The following NUDCD3 variants were observed in gnomAD, a reference collection of about 807,000 sequenced individuals.
NUDCD3 encodes the protein NudC domain containing 3.
A neutral mutation model predicts 39.7 loss-of-function variants in NUDCD3; 13 were observed. That is an observed-to-expected ratio of 0.33 (90% CI 0.21 to 0.52). The LOEUF (loss-of-function observed/expected upper bound fraction) is 0.52. NUDCD3 is among the 20% of genes least tolerant of loss of function. The probability of loss-of-function intolerance (pLI) is 0.96; values close to 1 mark genes in which losing one functional copy is unlikely to be tolerated. For synonymous variants in NUDCD3, 175 were observed against 172.4 expected (o/e 1.02, Z -0.12); for missense variants, 453 against 458.1 (o/e 0.99, Z 0.10).
chr7:44,455,555 G>T (rs988074666), intron 2 of NUDCD3, among the ~76,000 whole-genome samples: 2 of 152,156 alleles, frequency 1.3e-5, no homozygotes, highest in Non-Finnish European at 2.9e-5. Flanking sequence ...GAGAAATTGT[G>T]TGTGTACATA....
chr7:44,437,127 T>C (rs2116916684), intron 2 of NUDCD3, among the ~76,000 whole-genome samples: 1 of 147,108 alleles, frequency 6.8e-6, no homozygotes, highest in South Asian at 2.2e-4. Context: ...TGGAGTGCAA[T>C]GGTGCGATCT....
chr7:44,479,167 T>C (rs895485249), intron 2 of NUDCD3, among the ~76,000 whole-genome samples: 3 of 152,192 alleles, frequency 2.0e-5, no homozygotes, highest in Admixed American at 6.5e-5. Flanking sequence ...GTCCCTCCCA[T>C]GACATGTGAG....
chr7:44,437,184 C>T (rs1799484782), intron 2 of NUDCD3, among the ~76,000 whole-genome samples: 1 of 151,490 alleles, frequency 6.6e-6, no homozygotes, highest in South Asian at 2.1e-4. Flanking sequence ...ATTCTCCTGC[C>T]TCAGCCTCCC....
At chr7:44,406,411 C>T (rs1798822105) in intron 3 of NUDCD3, among the ~76,000 whole-genome samples, 1 of 152,204 alleles carries the variant, frequency 6.6e-6, no homozygotes, top group South Asian at 2.1e-4. Context: ...AACAGATCCA[C>T]TCACTCCTGA....
intron 2 of NUDCD3, among the ~76,000 whole-genome samples, chr7:44,437,096 G>A (rs1405674498): frequency 1.5e-5 from 2 of 132,664 alleles, no homozygotes; most frequent in African/African-American, 5.7e-5. Context: ...TTGAGACGGA[G>A]ACTTGCTCTG....
intron 5 of NUDCD3, among the ~76,000 whole-genome samples, chr7:44,390,555 T>C (rs1310984313): frequency 6.6e-6 from 1 of 152,128 alleles, no homozygotes; most frequent in Non-Finnish European, 1.5e-5. Flanking sequence ...AAAAAGACAC[T>C]TCTAAGGGGT....
chr7:44,404,384 A>G (rs1563166715), intron 4 of NUDCD3, 56 bp downstream of exon 4: 4 of 1,562,044 alleles, frequency 2.6e-6, no homozygotes, highest in Non-Finnish European at 3.5e-6. Flanking sequence ...CAAAAGGGGC[A>G]TCACTGCAGG....
chr7:44,476,203 C>T (rs1457761589), intron 2 of NUDCD3, among the ~76,000 whole-genome samples: 3 of 152,142 alleles, frequency 2.0e-5, no homozygotes, highest in Non-Finnish European at 4.4e-5. Context: ...AGCCTACACA[C>T]GGAAAGAAGT....
chr7:44,474,253 G>A (rs1800317919), intron 2 of NUDCD3, among the ~76,000 whole-genome samples: 1 of 151,534 alleles, frequency 6.6e-6, no homozygotes, highest in African/African-American at 2.4e-5. Context: ...AATAGAAGTT[G>A]GTTATTTTAA....
chr7:44,490,645 C>G lies in NUDCD3; in HGVS notation c.-45G>C. The G allele has an allele frequency of 6.5e-7, 1 of 1,535,212 alleles. No individual in the cohort carries two copies. The highest frequency in any genetic ancestry group is 8.8e-7 in the Non-Finnish European group (1 of 1,141,366). On this transcript the variant is annotated 5_prime_UTR_variant, in exon 1 of 6. Coordinates refer to ENST00000355451, the MANE Select transcript of NUDCD3 (RefSeq NM_015332.4). Reference sequence around the variant, plus strand: ...ACGCTTCACACACACAGCGCCGCCTCAGACCTGCCGACTGGCCACTTCCGG... The same window carrying G: ...ACGCTTCACACACACAGCGCCGCCTGAGACCTGCCGACTGGCCACTTCCGG...
intron 2 of NUDCD3, among the ~76,000 whole-genome samples, chr7:44,453,703 C>T (rs1004183575): frequency 1.3e-5 from 2 of 152,112 alleles, no homozygotes; most frequent in East Asian, 1.9e-4. Context: ...GAAAGGTGAA[C>T]GTCACAAGCC....
At chr7:44,458,493 C>T (rs921885746) in intron 2 of NUDCD3, among the ~76,000 whole-genome samples, 1 of 152,060 alleles carries the variant, frequency 6.6e-6, no homozygotes, top group African/African-American at 2.4e-5. Flanking sequence ...AACCCCGTCT[C>T]TATTAAATAC....
At position 44,385,715 on chromosome 7, in the gene NUDCD3, G is replaced by A; in HGVS notation, c.*296C>T. The A allele has an allele frequency of 2.5e-6, 1 of 399,564 alleles. No homozygotes were observed. Among genetic ancestry groups the A allele is most frequent in the Non-Finnish European group, 4.5e-6 (1 of 221,792 alleles). 24.8% of individuals were successfully genotyped at this position (399,564 alleles called of 1,614,324 possible). On this transcript the variant is annotated 3_prime_UTR_variant, in exon 6 of 6. Coordinates refer to ENST00000355451, the MANE Select transcript of NUDCD3 (RefSeq NM_015332.4). Reference sequence around the variant, plus strand: ...AAAGACATGCTGCCTGCAGTGGCTGGTTGCTGTGGAGACAAAAGCATGTGA... The same window carrying A: ...AAAGACATGCTGCCTGCAGTGGCTGATTGCTGTGGAGACAAAAGCATGTGA...
In NUDCD3 at chr7:44,483,914, G is replaced by A. The variant is rs111906665; in HGVS notation, c.509+1054C>T. ...TCCCAGCTACTCAGGAGGCTGAGGCGAGAGGATTGCTGGAGCCCAAGAGTT... is the reference window on the plus strand; with the variant it reads ...TCCCAGCTACTCAGGAGGCTGAGGCAAGAGGATTGCTGGAGCCCAAGAGTT... On this transcript the variant is annotated intron_variant, in intron 2 of 5. Transcript: ENST00000355451. 4.3e-3 allele frequency among the ~76,000 whole-genome samples: 661 copies of A among 152,290 alleles called. 8 individuals carry two copies. Among genetic ancestry groups the A allele is most frequent in the African/African-American group, 0.015 (641 of 41,562 alleles).
intron 3 of NUDCD3, among the ~76,000 whole-genome samples, chr7:44,417,110 G>A (rs963169919): frequency 6.6e-6 from 1 of 152,210 alleles, no homozygotes; most frequent in African/African-American, 2.4e-5. Flanking sequence ...AATCTTGTCT[G>A]TCTTGGTGAC....
chr7:44,397,523 C>T (rs996890646), intron 4 of NUDCD3, among the ~76,000 whole-genome samples: 1 of 152,180 alleles, frequency 6.6e-6, no homozygotes, highest in African/African-American at 2.4e-5. Context: ...TGTCTAGGGG[C>T]ATCTCATCAT....
intron 3 of NUDCD3, among the ~76,000 whole-genome samples, chr7:44,420,798 C>T (rs990988890): frequency 2.0e-5 from 3 of 152,162 alleles, no homozygotes; most frequent in African/African-American, 4.8e-5. Context: ...CAAGCAAATG[C>T]TAAGAGATTC....
chr7:44,448,165 C>CTTA (rs1563180247), intron 2 of NUDCD3, among the ~76,000 whole-genome samples: 2 of 152,210 alleles, frequency 1.3e-5, no homozygotes, highest in Non-Finnish European at 2.9e-5. Context: ...TCTCCTTGGC[C>CTTA]TTAATAGGCT....
At chr7:44,468,028 G>C (rs766864224) in intron 2 of NUDCD3, 1 of 1,613,000 alleles carries the variant, frequency 6.2e-7, no homozygotes, top group Admixed American at 1.7e-5. Flanking sequence ...CTGACAACAG[G>C]GTTCGTAGAA....
Sources: allele counts gnomAD v4.1 joint callset (sites outside exome capture counted in the v4.1 genomes callset), GRCh38; gene constraint gnomAD v4.1.1; transcripts MANE v1.5; gene names NCBI Gene and HGNC (gene_info 2026-07-23, HGNC 2026-07-21).